The following RPS6KA2 variants were observed in gnomAD, a reference collection of about 807,000 sequenced individuals.
RPS6KA2 encodes ribosomal protein S6 kinase A2.
A neutral mutation model predicts 91.8 loss-of-function variants in RPS6KA2; 42 were observed. The ratio of observed to expected loss-of-function variants is 0.46; its 90% confidence interval spans 0.36 to 0.59. RPS6KA2 has a LOEUF of 0.59. Among genes scored for constraint, RPS6KA2 ranks in the 20% least tolerant of loss-of-function variants. The pLI, the probability that RPS6KA2 is intolerant of heterozygous loss-of-function variation, is 0.00. For synonymous variants in RPS6KA2, 414 were observed against 393.6 expected, an observed-to-expected ratio of 1.05 and a Z score of -0.61; for missense variants, 798 against 978.5, an observed-to-expected ratio of 0.82 and a Z score of 2.46.
intron 16 of RPS6KA2, among the ~76,000 whole-genome samples, chr6:166,424,507 CAT>C (rs544063943): frequency 1.2e-3 from 184 of 152,348 alleles, no homozygotes; most frequent in African/African-American, 4.1e-3. Flanking sequence ...ACAGAGGAAA[CAT>C]GTGATACGGT....
intron 3 of RPS6KA2, among the ~76,000 whole-genome samples, chr6:166,529,869 T>A (rs1476813599): frequency 6.6e-6 from 1 of 152,232 alleles, no homozygotes; most frequent in East Asian, 1.9e-4. Context: ...CTGCATTTTC[T>A]TACCATTGGT....
chr6:166,598,389 A>G (rs1229151963), intron 1 of RPS6KA2, among the ~76,000 whole-genome samples: 1 of 152,240 alleles, frequency 6.6e-6, no homozygotes, highest in Non-Finnish European at 1.5e-5. Flanking sequence ...GGAATGGTTT[A>G]GAGAGGCTTA....
At chr6:166,556,085 C>T (rs1784170110) in intron 1 of RPS6KA2, among the ~76,000 whole-genome samples, 1 of 152,172 alleles carries the variant, frequency 6.6e-6, no homozygotes, top group African/African-American at 2.4e-5. Flanking sequence ...CAGGGGTTAT[C>T]CATATGCACT....
At chr6:166,776,048 G>C (rs1296164400) in intron 2 of RPS6KA2, among the ~76,000 whole-genome samples, 1 of 152,160 alleles carries the variant, frequency 6.6e-6, no homozygotes, top group African/African-American at 2.4e-5. Context: ...CCTCTCCCCA[G>C]CCACAGCGGT....
At chr6:166,824,364 C>T (rs1004950810) in intron 2 of RPS6KA2, among the ~76,000 whole-genome samples, 5 of 152,196 alleles carry the variant, frequency 3.3e-5, no homozygotes, top group Admixed American at 1.3e-4. Context: ...GCAGCCTGTC[C>T]CCCTGGTGCC....
intron 14 of RPS6KA2, among the ~76,000 whole-genome samples, chr6:166,440,799 T>C (rs748949585): frequency 2.0e-5 from 3 of 152,178 alleles, no homozygotes; most frequent in South Asian, 2.1e-4. Flanking sequence ...GCAAAAATAA[T>C]AATAAAAGTG....
intron 2 of RPS6KA2, among the ~76,000 whole-genome samples, chr6:166,799,651 A>G (rs1779313498): frequency 6.6e-6 from 1 of 152,060 alleles, no homozygotes; most frequent in South Asian, 2.1e-4. Flanking sequence ...ATTGGATTCC[A>G]GCGGAAACAC....
intron 12 of RPS6KA2, among the ~76,000 whole-genome samples, chr6:166,453,540 G>C (rs1779986660): frequency 1.3e-5 from 2 of 152,178 alleles, no homozygotes; most frequent in African/African-American, 4.8e-5. Flanking sequence ...ACATCAGTCA[G>C]AATGGCTATT....
chr6:166,619,946 TC>T (rs1041848190), intron 1 of RPS6KA2, among the ~76,000 whole-genome samples: 1 of 151,900 alleles, frequency 6.6e-6, no homozygotes, highest in African/African-American at 2.4e-5. Flanking sequence ...CAAAGTAAAA[TC>T]CCCCCACTCC....
At chr6:166,799,451 T>A (rs547334859) in intron 2 of RPS6KA2, among the ~76,000 whole-genome samples, 1 of 152,178 alleles carries the variant, frequency 6.6e-6, no homozygotes, top group Non-Finnish European at 1.5e-5. Context: ...GTAAAGGTGA[T>A]GAATAAAGAC....
intron 1 of RPS6KA2, among the ~76,000 whole-genome samples, chr6:166,543,915 G>A (rs1268534169): frequency 6.6e-6 from 1 of 152,236 alleles, no homozygotes; most frequent in Non-Finnish European, 1.5e-5. Flanking sequence ...TTGGGATGGA[G>A]CTCCTTAAAG....
At chr6:166,714,774 G>A (rs544907986) in intron 2 of RPS6KA2, among the ~76,000 whole-genome samples, 1 of 152,370 alleles carries the variant, frequency 6.6e-6, no homozygotes, top group East Asian at 1.9e-4. Flanking sequence ...CCTCTGGATG[G>A]GAGAGAACAG....
At chr6:166,637,848 G>A (rs1038137184) in intron 2 of RPS6KA2, among the ~76,000 whole-genome samples, 5 of 152,246 alleles carry the variant, frequency 3.3e-5, no homozygotes, top group Admixed American at 2.0e-4. Context: ...CGTGGGGGCC[G>A]CAGGGGACAG....
chr6:166,510,552 CTCATATATAT>C (rs1226450589), intron 3 of RPS6KA2, among the ~76,000 whole-genome samples, 195 bp from the exon 4 acceptor site: 5 of 66,516 alleles, frequency 7.5e-5, no homozygotes, highest in African/African-American at 2.2e-4. Flanking sequence ...CTTTCTCTCT[CTCATATATAT>C]ATATATATAT....
At chr6:166,768,203 T>TC (rs1778372535) in intron 2 of RPS6KA2, among the ~76,000 whole-genome samples, 1 of 151,636 alleles carries the variant, frequency 6.6e-6, no homozygotes, top group African/African-American at 2.4e-5. Flanking sequence ...CTGGACAAGC[T>TC]CCCCCCGTTC....
At chr6:166,524,963 G>A (rs544796478) in intron 3 of RPS6KA2, among the ~76,000 whole-genome samples, 5 of 152,248 alleles carry the variant, frequency 3.3e-5, no homozygotes, top group African/African-American at 4.8e-5. Context: ...CAATTCTCGC[G>A]CTCAGACCAA....
intron 2 of RPS6KA2, among the ~76,000 whole-genome samples, chr6:166,833,574 A>G (rs1780240232): frequency 6.6e-6 from 1 of 152,192 alleles, no homozygotes; most frequent in Non-Finnish European, 1.5e-5. Context: ...CAGCCCACAC[A>G]TCCTGGACAC....
intron 3 of RPS6KA2, 61 bp from the exon 4 acceptor site, chr6:166,510,418 G>A: frequency 9.1e-7 from 1 of 1,096,110 alleles, no homozygotes; most frequent in African/African-American, 1.6e-5. Context: ...GAGGAACACT[G>A]AACATGAAAT....
chr6:166,615,592 C>A (rs563620568), intron 1 of RPS6KA2, among the ~76,000 whole-genome samples: 3 of 152,308 alleles, frequency 2.0e-5, no homozygotes, highest in South Asian at 2.1e-4. Context: ...CACAAACCTG[C>A]GGCGCACAGG....
Sources: allele counts gnomAD v4.1 joint callset (sites outside exome capture counted in the v4.1 genomes callset), GRCh38; gene constraint gnomAD v4.1.1; transcripts MANE v1.5; gene names NCBI Gene and HGNC (gene_info 2026-07-23, HGNC 2026-07-21).